Variants in VWA3A observed in about 807,000 individuals in gnomAD.
VWA3A encodes von Willebrand factor A domain-containing protein 3A.
A neutral mutation model predicts 160.4 loss-of-function variants in VWA3A; 134 were observed. That is an observed-to-expected ratio of 0.84 (90% CI 0.73 to 0.96). The LOEUF (loss-of-function observed/expected upper bound fraction) is 0.96, where lower values mean the gene tolerates loss of function less well. VWA3A is among the 40% of genes least tolerant of loss of function. VWA3A has a pLI of 0.00. For synonymous variants in VWA3A, 476 were observed against 543.4 expected, an observed-to-expected ratio of 0.88 and a Z score of 1.72; for missense variants, 1,310 against 1,447.9, an observed-to-expected ratio of 0.90 and a Z score of 1.55.
intron 1 of VWA3A, 135 bp downstream of exon 1, chr16:22,092,786 TGGGC>T: frequency 6.1e-6 from 7 of 1,143,040 alleles, no homozygotes; most frequent in East Asian, 2.8e-5. Context: ...TGCCGAGCAT[TGGGC>T]TAAATGCTGG....
At chr16:22,121,249 C>A in intron 13 of VWA3A, 146 bp downstream of exon 13, 3 of 1,178,594 alleles carry the variant, frequency 2.5e-6, no homozygotes, top group African/African-American at 1.5e-5. Context: ...GATATGAGAC[C>A]AACCTAGGCA....
At chr16:22,125,676 G>A (rs1489989680) in intron 16 of VWA3A, among the ~76,000 whole-genome samples, 1 of 152,002 alleles carries the variant, frequency 6.6e-6, no homozygotes, top group Non-Finnish European at 1.5e-5. Flanking sequence ...GCCCGCCTCG[G>A]CCTCCCAGAG....
At chr16:22,135,782 G>GT (rs1315684518) in intron 21 of VWA3A, among the ~76,000 whole-genome samples, 1 of 151,938 alleles carries the variant, frequency 6.6e-6, no homozygotes, top group Admixed American at 6.6e-5. Context: ...TTAGGGTTTT[G>GT]TTTTTTGTTT....
intron 3 of VWA3A, among the ~76,000 whole-genome samples, chr16:22,098,151 G>A (rs1411773001): frequency 6.6e-6 from 1 of 152,164 alleles, no homozygotes; most frequent in Non-Finnish European, 1.5e-5. Flanking sequence ...AGGGTGAGTG[G>A]ATTGTCTAGA....
chr16:22,132,993 A>G lies in VWA3A; in HGVS notation c.1966A>G (p.Thr656Ala), dbSNP rs1224742650. 1 of 1,613,886 alleles carries G rather than the reference A, an allele frequency of 6.2e-7. No homozygotes were observed. Reference protein sequence around the residue: ...LFYVGEPKMDTTPPARYASHT... With the variant: ...LFYVGEPKMDATPPARYASHT... The stretch of plus-strand genomic sequence containing the variant: ...CTACGTGGGCGAGCCAAAGATGGAC[A>G]CCACACCCCCTGCCCGCTATGCCAG... Residue 656 changes from threonine (T) to alanine (A), a missense_variant, in exon 20 of 34, where the codon ACC (threonine) becomes GCC (alanine). By Grantham distance (58) the Thr-to-Ala change is moderately conservative. Transcript: ENST00000389398.
At chr16:22,129,602 G>T (rs948267953) in intron 17 of VWA3A, among the ~76,000 whole-genome samples, 1 of 152,034 alleles carries the variant, frequency 6.6e-6, no homozygotes. Flanking sequence ...ACATTAAGAG[G>T]AGGAGGAGCT....
At chr16:22,109,970 G>C (rs989240335) in intron 7 of VWA3A, among the ~76,000 whole-genome samples, 11 of 152,322 alleles carry the variant, frequency 7.2e-5, no homozygotes, top group South Asian at 2.1e-4. Context: ...ATACTCACCA[G>C]CTCTAGTTTG....
At chr16:22,134,525 A>C in intron 21 of VWA3A, 87 bp downstream of exon 21, 1 of 1,165,748 alleles carries the variant, frequency 8.6e-7, no homozygotes, top group Middle Eastern at 2.0e-4. Flanking sequence ...TGGGTGGCTT[A>C]AAATAACAAC....
intron 29 of VWA3A, among the ~76,000 whole-genome samples, chr16:22,150,231 G>A (rs751373281): frequency 7.2e-5 from 11 of 152,012 alleles, no homozygotes; most frequent in Non-Finnish European, 1.0e-4. Context: ...GTGAAACCCC[G>A]TCTCTACTAA....
At chr16:22,113,358 ATTTTCTTTTTTTTTTTT>A in intron 8 of VWA3A, among the ~76,000 whole-genome samples, 1 of 35,024 alleles carries the variant, frequency 2.9e-5, no homozygotes, top group African/African-American at 7.7e-5. Context: ...TGCCTGGCTA[ATTTTCTTTTTTTTTTTT>A]TTTTTTTTTT....
intron 18 of VWA3A, 27 bp from the exon 19 acceptor site, chr16:22,131,558 T>G: frequency 1.2e-6 from 2 of 1,607,052 alleles, no homozygotes; most frequent in Middle Eastern, 3.3e-4. Flanking sequence ...CCAATGACCC[T>G]CAGCATGGCC....
intron 1 of VWA3A, among the ~76,000 whole-genome samples, chr16:22,093,899 G>A (rs899467878): frequency 4.0e-5 from 6 of 151,758 alleles, no homozygotes; most frequent in African/African-American, 1.5e-4. Flanking sequence ...CTAGTAGCTG[G>A]GACTACAGGT....
chr16:22,114,414 T>C (rs976301876), intron 8 of VWA3A, among the ~76,000 whole-genome samples: 1 of 152,180 alleles, frequency 6.6e-6, no homozygotes, highest in African/African-American at 2.4e-5. Flanking sequence ...CCATGCCTCC[T>C]GTTGAGGGCT....
chr16:22,131,911 A>G (rs2045956242), intron 19 of VWA3A, among the ~76,000 whole-genome samples, 182 bp downstream of exon 19: 1 of 152,216 alleles, frequency 6.6e-6, no homozygotes, highest in South Asian at 2.1e-4. Context: ...AGCCTGGGCA[A>G]TATAGTGAGA....
intron 6 of VWA3A, among the ~76,000 whole-genome samples, chr16:22,105,547 T>C (rs576066676): frequency 1.3e-5 from 2 of 152,388 alleles, no homozygotes; most frequent in South Asian, 2.1e-4. Flanking sequence ...AGCCATTCTG[T>C]TTAGGCTCCC....
Position 22,131,284 on chromosome 16 carries a change from G to A in VWA3A, c.1727+5G>A, listed in dbSNP as rs745323486. On this transcript the variant is annotated splice_donor_5th_base_variant and intron_variant, in intron 18 of 33. Coordinates refer to ENST00000389398, the MANE Select transcript of VWA3A (RefSeq NM_173615.5). Reference sequence around the variant, plus strand: ...CAATTTACAAAGTGCCTGGCGGTAGGTTATGGGCAGAGACTTCGTGGGGCT... The same window carrying A: ...CAATTTACAAAGTGCCTGGCGGTAGATTATGGGCAGAGACTTCGTGGGGCT... The A allele has an allele frequency of 2.5e-6, 4 of 1,613,862 alleles. No homozygotes were observed. Among genetic ancestry groups the A allele is most frequent in the East Asian group, 4.5e-5 (2 of 44,892 alleles).
chr16:22,126,361 C>T, intron 17 of VWA3A, 64 bp downstream of exon 17: 1 of 1,575,434 alleles, frequency 6.3e-7, no homozygotes, highest in Non-Finnish European at 8.6e-7. Flanking sequence ...CGTCATTGGG[C>T]TGAGGCTTTG....
Position 22,156,957 on chromosome 16 carries a change from A to G in VWA3A, c.*940A>G, listed in dbSNP as rs1258351053. On this transcript the variant is annotated 3_prime_UTR_variant, in exon 34 of 34. Coordinates refer to ENST00000389398, the MANE Select transcript of VWA3A (RefSeq NM_173615.5). ...TCATACCATAATAAAGAATTTCAAT[A>G]AGAAAAAGATAAACATCCATTTTTT... The G allele has an allele frequency of 6.6e-6, 1 of 152,192 alleles. No homozygotes were observed. The highest frequency in any genetic ancestry group is 1.5e-5 in the Non-Finnish European group (1 of 68,042). 9.4% of individuals were successfully genotyped at this position (152,192 alleles called of 1,614,324 possible). A position where few individuals can be genotyped will look rare whatever the true frequency, so the allele number is the denominator to read the frequency against.
chr16:22,117,885 C>G (rs543337863), intron 11 of VWA3A, among the ~76,000 whole-genome samples: 3 of 152,176 alleles, frequency 2.0e-5, no homozygotes, highest in Admixed American at 1.3e-4. Context: ...TATCTTGATA[C>G]CTCATCATCT....
Sources: allele counts gnomAD v4.1 joint callset (sites outside exome capture counted in the v4.1 genomes callset), GRCh38; gene constraint gnomAD v4.1.1; transcripts MANE v1.5; gene names NCBI Gene and HGNC (gene_info 2026-07-23, HGNC 2026-07-21).